The following SGSM3 variants were observed in gnomAD, a reference collection of about 807,000 sequenced individuals.
SGSM3 encodes small G protein signaling modulator 3, also known as RUN and SH3 containing 3.
In SGSM3, 96 loss-of-function variants were observed where a neutral mutation model predicts 100.5. That is an observed-to-expected ratio of 0.96 (90% CI 0.81 to 1.13). The LOEUF is 1.13. Among genes scored for constraint, SGSM3 ranks in the 50% most tolerant of loss-of-function variants. SGSM3 has a pLI of 0.00. For missense variants in SGSM3, 1,001 were observed against 1,015.8 expected (o/e 0.99, Z 0.20); for synonymous variants, 483 against 422.8 (o/e 1.14, Z -1.75).
At chr22:40,373,846 C>T (rs1010185862) in intron 1 of SGSM3, among the ~76,000 whole-genome samples, 1 of 152,190 alleles carries the variant, frequency 6.6e-6, no homozygotes, top group African/African-American at 2.4e-5. Context: ...CATCTCTTGA[C>T]CTCGTGATCC....
At chr22:40,390,180 G>A (rs933525284) in intron 1 of SGSM3, 1 of 152,152 alleles carries the variant, frequency 6.6e-6, no homozygotes, top group Non-Finnish European at 1.5e-5. Flanking sequence ...CTCTTGCTCT[G>A]TGATTCTCTA....
At chr22:40,391,345 C>G (rs562179662) in intron 1 of SGSM3, among the ~76,000 whole-genome samples, 1 of 152,180 alleles carries the variant, frequency 6.6e-6, no homozygotes, top group Non-Finnish European at 1.5e-5. Flanking sequence ...TGTTGACTCA[C>G]GTCTATAATC....
Position 40,409,313 on chromosome 22 carries a change from G to A in SGSM3, c.2052G>A (p.Trp684Ter), listed in dbSNP as rs1351575991. 7 of 1,613,236 alleles carry A rather than the reference G, an allele frequency of 4.3e-6. No homozygotes were observed. Among genetic ancestry groups the A allele is most frequent in the Non-Finnish European group, 5.9e-6 (7 of 1,179,918 alleles). The change falls in exon 20 of 22, where the codon TGG becomes TGA. Residue 684 changes from tryptophan (W) to a stop codon, truncating the protein, a stop_gained. Coordinates refer to ENST00000248929, the MANE Select transcript of SGSM3 (RefSeq NM_015705.6). LOFTEE classifies it high-confidence loss of function. ...CCAGCCTGCCCACCGTGGAGAAGTG[G>A]TACCAGCCCTGGTCCTTCCTGCGCA... ...LCSSLPTVEK[W>*]YQPWSFLRSP...
At position 40,410,117 on chromosome 22, in the gene SGSM3, C is replaced by CTGTCT. The variant is rs2052413540; in HGVS notation, c.*360_*364dup. On this transcript the variant is annotated 3_prime_UTR_variant, in exon 22 of 22. Transcript: ENST00000248929. The stretch of plus-strand genomic sequence containing the variant: ...TGTCTGTCTTTGAGAAAGCACCTAC[C>CTGTCT]TGTCTTCTGTGCAGCTAGGGCTGCA... 8.7e-7 allele frequency: 1 copy of CTGTCT among 1,154,982 alleles called. No individual in the cohort carries two copies. The highest frequency in any genetic ancestry group is 4.8e-5 in the Admixed American group (1 of 20,954). The allele number at this position is 1,154,982 out of a possible 1,614,324, so 71.5% of individuals were successfully genotyped here.
chr22:40,383,734 A>G (rs929555347), intron 1 of SGSM3, among the ~76,000 whole-genome samples: 4 of 152,192 alleles, frequency 2.6e-5, no homozygotes, highest in Admixed American at 2.6e-4. Context: ...ATTGGGGTCT[A>G]TGGAATCAGA....
In SGSM3 at chr22:40,404,103, A is replaced by T. The variant is rs531160548; in HGVS notation, c.158-144A>T. 1.8e-4 allele frequency: 112 copies of T among 608,112 alleles called. No homozygotes were observed. The African/African-American group carries it at 1.9e-3, about 10-fold the overall frequency. 37.7% of individuals were successfully genotyped at this position (608,112 alleles called of 1,614,324 possible). A position where few individuals can be genotyped will look rare whatever the true frequency, so the allele number is the denominator to read the frequency against. Reference sequence around the variant, plus strand: ...GCTCACCTGGAGCTGTCAGAAAGCCATTAGCTATGGGAATCTGGATATGGT... The same window carrying T: ...GCTCACCTGGAGCTGTCAGAAAGCCTTTAGCTATGGGAATCTGGATATGGT... On this transcript the variant is annotated intron_variant, in intron 4 of 21. Coordinates refer to ENST00000248929, the MANE Select transcript of SGSM3 (RefSeq NM_015705.6).
intron 10 of SGSM3, 128 bp downstream of exon 10, chr22:40,406,790 A>C: frequency 1.1e-6 from 1 of 922,756 alleles, no homozygotes; most frequent in Non-Finnish European, 1.7e-6. Flanking sequence ...AGCCTGGCCC[A>C]GTCAGACCAC....
chr22:40,384,243 T>TAAC (rs1313750857), intron 1 of SGSM3, among the ~76,000 whole-genome samples: 1 of 151,370 alleles, frequency 6.6e-6, no homozygotes, highest in African/African-American at 2.4e-5. Context: ...ACCCTGTCTC[T>TAAC]AACAACAACA....
intron 1 of SGSM3, among the ~76,000 whole-genome samples, chr22:40,399,288 G>A (rs1409342220): frequency 3.9e-5 from 6 of 152,108 alleles, no homozygotes; most frequent in Admixed American, 3.9e-4. Flanking sequence ...GCCCAGCCAA[G>A]ATGTCTTTAC....
chr22:40,389,094 G>A (rs894131283), intron 1 of SGSM3, among the ~76,000 whole-genome samples: 1 of 152,162 alleles, frequency 6.6e-6, no homozygotes, highest in Admixed American at 6.5e-5. Flanking sequence ...CCAGGAGAGT[G>A]CAGAGAGCTA....
chr22:40,371,687 T>C (rs1234443307), intron 1 of SGSM3, among the ~76,000 whole-genome samples: 1 of 152,018 alleles, frequency 6.6e-6, no homozygotes, highest in African/African-American at 2.4e-5. Context: ...TTGTAATTCT[T>C]CTTTTCTTTT....
At position 40,405,261 on chromosome 22, in the gene SGSM3, G is replaced by A. The variant is rs754704832; in HGVS notation, c.595G>A (p.Gly199Ser). Residue 199 changes from glycine to serine, a missense_variant, in exon 7 of 22, where the codon GGC (glycine) becomes AGC (serine). By Grantham distance (56) the Gly-to-Ser change is moderately conservative (BLOSUM62 0). Transcript: ENST00000248929. ...RALAWLYPEI[G>S]YCQGTGMVAA... is the part of the protein sequence containing the mutation. ...CCTGGCCTGGCTCTACCCAGAGATC[G>A]GCTACTGCCAGGGCACCGGCATGGT... The A allele has an allele frequency of 7.2e-6, 11 of 1,522,842 alleles. No individual in the cohort carries two copies. Among genetic ancestry groups the A allele is most frequent in the South Asian group, 2.5e-5 (2 of 79,204 alleles). 94.3% of individuals were successfully genotyped at this position (1,522,842 alleles called of 1,614,324 possible).
intron 1 of SGSM3, chr22:40,379,286 C>G (rs2047177443): frequency 6.6e-6 from 1 of 152,246 alleles, no homozygotes; most frequent in South Asian, 2.1e-4. Context: ...TTCCTCAACA[C>G]AAAGTCACCA....
At chr22:40,402,334 AGT>A in intron 4 of SGSM3, 129 bp downstream of exon 4, 1 of 732,086 alleles carries the variant, frequency 1.4e-6, no homozygotes, top group East Asian at 2.5e-5. Flanking sequence ...TTAAGGACAG[AGT>A]GTATCTGAGG....
chr22:40,406,393 T>G, intron 9 of SGSM3, 45 bp from the exon 10 acceptor site: 1 of 1,515,642 alleles, frequency 6.6e-7, no homozygotes, highest in Non-Finnish European at 8.9e-7. Context: ...GCCACGTCCC[T>G]GCAATGACAA....
At chr22:40,395,574 G>A (rs1269088487) in intron 1 of SGSM3, among the ~76,000 whole-genome samples, 4 of 152,046 alleles carry the variant, frequency 2.6e-5, no homozygotes, top group Non-Finnish European at 5.9e-5. Flanking sequence ...TGCCCATCTC[G>A]GGCTCCCAAA....
chr22:40,377,465 A>G (rs1172899297), intron 1 of SGSM3, among the ~76,000 whole-genome samples: 1 of 152,170 alleles, frequency 6.6e-6, no homozygotes, highest in African/African-American at 2.4e-5. Context: ...TCATAACTTA[A>G]GTTACCCAAA....
Position 40,409,544 on chromosome 22 carries a change from G to C in SGSM3, c.2172+19G>C, listed in dbSNP as rs371531716. 1.2e-6 allele frequency: 2 copies of C among 1,606,642 alleles called. No homozygotes were observed. The highest frequency in any genetic ancestry group is 2.2e-5 in the East Asian group (1 of 44,812). On this transcript the variant is annotated intron_variant, in intron 21 of 21. Transcript: ENST00000248929. The stretch of plus-strand genomic sequence containing the variant: ...GAGAGAGGTGGGTGGTGTGGGCCTC[G>C]TAGGGCCTGCACTGATGGAGCTGCC...
At chr22:40,394,360 G>A (rs1022136884) in intron 1 of SGSM3, among the ~76,000 whole-genome samples, 11 of 152,184 alleles carry the variant, frequency 7.2e-5, no homozygotes, top group Admixed American at 1.3e-4. Flanking sequence ...CAAGAACTTG[G>A]AGACTGGCCA....
Sources: gnomAD v4.1 joint callset for allele counts (sites outside exome capture counted in the v4.1 genomes callset) on GRCh38, gnomAD v4.1.1 for gene constraint, MANE v1.5 for transcripts, NCBI Gene and HGNC (gene_info 2026-07-23, HGNC 2026-07-21) for gene names.